Variants in KIRREL3 observed in about 807,000 individuals in gnomAD.
The protein encoded by KIRREL3 is kirre like nephrin family adhesion molecule 3.
Under a neutral mutation model 89.7 loss-of-function variants are expected in KIRREL3, and 36 were observed. The observed-to-expected ratio is 0.40, with a 90% CI of 0.31 to 0.53. KIRREL3 has a LOEUF of 0.53. Ranked by LOEUF, KIRREL3 falls within the 20% of genes least tolerant of loss-of-function variation. The pLI is 0.49. For missense variants in KIRREL3, 864 were observed against 1,056.6 expected (o/e 0.82, Z 2.53); for synonymous variants, 445 against 441.4 (o/e 1.01, Z -0.10).
Position 127,000,562 on chromosome 11 carries a change from C to T in KIRREL3, c.-53G>A. The T allele has an allele frequency of 6.4e-7, 1 of 1,563,806 alleles. No individual in the cohort carries two copies. The highest frequency in any genetic ancestry group is 8.7e-7 in the Non-Finnish European group (1 of 1,153,414). Reference sequence around the variant, plus strand: ...GGGGTAACTTGGCTGTGGTTAGTTTCTCTTCCTTGGCGGCTCTCGGTGCTC... The same window carrying T: ...GGGGTAACTTGGCTGTGGTTAGTTTTTCTTCCTTGGCGGCTCTCGGTGCTC... On this transcript the variant is annotated 5_prime_UTR_variant, in exon 1 of 17. Transcript: ENST00000525144. The surrounding 1 kb of genome is among the most constrained non-coding windows in gnomAD (Gnocchi z 7.1).
At position 126,871,512 on chromosome 11, in the gene KIRREL3, GA is replaced by G. The variant is rs540723451; in HGVS notation, c.55+128942del. On this transcript the variant is annotated intron_variant, in intron 1 of 16. Coordinates refer to ENST00000525144, the MANE Select transcript of KIRREL3 (RefSeq NM_032531.4). ...GAAAGGAAGAAAAACTTTTATCCAAGAGCAGGTATGAGGCTTCTGAATAAAG... is the reference window on the plus strand; with the variant it reads ...GAAAGGAAGAAAAACTTTTATCCAAGGCAGGTATGAGGCTTCTGAATAAAG... Among the ~76,000 whole-genome samples the G allele has an allele frequency of 8.5e-4, 129 of 152,326 alleles. 2 individuals carry two copies. Among genetic ancestry groups the G allele is most frequent in the African/African-American group, 2.8e-3 (117 of 41,568 alleles).
intron 1 of KIRREL3, among the ~76,000 whole-genome samples, chr11:126,590,114 T>G (rs1321555442): frequency 6.6e-6 from 1 of 152,234 alleles, no homozygotes; most frequent in African/African-American, 2.4e-5. Flanking sequence ...TTCTGAGGGC[T>G]GCATACCTAA....
At position 126,898,917 on chromosome 11, in the gene KIRREL3, C is replaced by T. The variant is rs1173936920; in HGVS notation, c.55+101538G>A. ...GATTTTGATGGCTACAATCCAGGCC[C>T]CCTTTCCCAACTGTCCTCCAAACCT... On this transcript the variant is annotated intron_variant, in intron 1 of 16. Coordinates refer to ENST00000525144, the MANE Select transcript of KIRREL3 (RefSeq NM_032531.4). The surrounding 1 kb of genome is among the most constrained non-coding windows in gnomAD (Gnocchi z 4.9). Among the ~76,000 whole-genome samples the T allele has an allele frequency of 6.6e-6, 1 of 151,966 alleles. No homozygotes were observed. The highest frequency in any genetic ancestry group is 2.4e-5 in the African/African-American group (1 of 41,342).
At chr11:126,469,624 G>A (rs1484128765) in intron 5 of KIRREL3, among the ~76,000 whole-genome samples, 11 of 152,232 alleles carry the variant, frequency 7.2e-5, no homozygotes, top group South Asian at 2.1e-4. Context: ...CTCCACTGAC[G>A]TGTGCGGGCT....
At chr11:126,839,703 C>T (rs2134517644) in intron 1 of KIRREL3, among the ~76,000 whole-genome samples, 1 of 152,322 alleles carries the variant, frequency 6.6e-6, no homozygotes, top group South Asian at 2.1e-4. Flanking sequence ...AGTGTGTTAT[C>T]TCCCTGAAAC....
intron 1 of KIRREL3, among the ~76,000 whole-genome samples, chr11:126,762,024 C>G (rs568840836): frequency 4.6e-5 from 7 of 151,986 alleles, no homozygotes; most frequent in Non-Finnish European, 1.0e-4. Context: ...ACTAAAAATA[C>G]AAAAGTTAGC....
chr11:126,939,460 G>T (rs1948344101), intron 1 of KIRREL3, among the ~76,000 whole-genome samples: 1 of 152,190 alleles, frequency 6.6e-6, no homozygotes, highest in South Asian at 2.1e-4. Flanking sequence ...ATTCTGTCAG[G>T]TAGGGTTCTA....
rs1366076592 is a variant in KIRREL3, at chr11:126,594,424, C to T, written c.56-31512G>A. On this transcript the variant is annotated intron_variant, in intron 1 of 16. Transcript: ENST00000525144. The surrounding 1 kb of genome is among the most constrained non-coding windows in gnomAD (Gnocchi z 5.0). ...GACTCCAATCTTCTTGGAGAAGCTACAGGGTGTAGGAGAAAGAACATGAGT... is the reference window on the plus strand; with the variant it reads ...GACTCCAATCTTCTTGGAGAAGCTATAGGGTGTAGGAGAAAGAACATGAGT... Among the ~76,000 whole-genome samples the T allele has an allele frequency of 1.3e-5, 2 of 152,196 alleles. No individual in the cohort carries two copies. Among genetic ancestry groups the T allele is most frequent in the Non-Finnish European group, 2.9e-5 (2 of 68,032 alleles).
In KIRREL3 at chr11:126,995,445, A is replaced by C. The variant is rs1950156851; in HGVS notation, c.55+5010T>G. Reference sequence around the variant, plus strand: ...TTTCTTGATGGACCCCAATAAAAAAACGCCTGCACTGTTTTTCACCTAAGG... The same window carrying C: ...TTTCTTGATGGACCCCAATAAAAAACCGCCTGCACTGTTTTTCACCTAAGG... On this transcript the variant is annotated intron_variant, in intron 1 of 16. Transcript: ENST00000525144. This position sits in a 1 kb window ranked among gnomAD's most constrained non-coding sequence, Gnocchi z 6.5. 2.5e-6 allele frequency: 1 copy of C among 401,134 alleles called. No individual in the cohort carries two copies. The highest frequency in any genetic ancestry group is 3.1e-5 in the Admixed American group (1 of 32,292). The allele number at this position is 401,134 out of a possible 1,614,324, so 24.8% of individuals were successfully genotyped here.
At chr11:126,874,418 C>T (rs1035808382) in intron 1 of KIRREL3, among the ~76,000 whole-genome samples, 18 of 152,208 alleles carry the variant, frequency 1.2e-4, no homozygotes, top group East Asian at 5.8e-4. Context: ...AAATTAGAAG[C>T]TTGAATCATG....
rs115744472 is a variant in KIRREL3, at chr11:126,968,706, G to T, written c.55+31749C>A. 6.5e-3 allele frequency among the ~76,000 whole-genome samples: 983 copies of T among 152,232 alleles called. 7 individuals carry two copies. Among genetic ancestry groups the T allele is most frequent in the African/African-American group, 0.022 (918 of 41,538 alleles). The stretch of plus-strand genomic sequence containing the variant: ...CTGGGTAAACTGCTATATTTATTTT[G>T]CCCATTTATAACACGGCAGCCCCTT... On this transcript the variant is annotated intron_variant, in intron 1 of 16. Coordinates refer to ENST00000525144, the MANE Select transcript of KIRREL3 (RefSeq NM_032531.4).
Position 126,976,337 on chromosome 11 carries a change from A to C in KIRREL3, c.55+24118T>G, listed in dbSNP as rs1429108326. Among the ~76,000 whole-genome samples the C allele has an allele frequency of 6.6e-6, 1 of 152,208 alleles. No individual in the cohort carries two copies. Among genetic ancestry groups the C allele is most frequent in the Non-Finnish European group, 1.5e-5 (1 of 68,026 alleles). Reference sequence around the variant, plus strand: ...TGAGATGTTAGCATCACTTGCTTTTAGCAAGCCAAAGGTTGCTTCCAGGGA... The same window carrying C: ...TGAGATGTTAGCATCACTTGCTTTTCGCAAGCCAAAGGTTGCTTCCAGGGA... On this transcript the variant is annotated intron_variant, in intron 1 of 16. Transcript: ENST00000525144. The surrounding 1 kb of genome is among the most constrained non-coding windows in gnomAD (Gnocchi z 4.2).
chr11:126,720,649 G>A (rs1049111916), intron 1 of KIRREL3, among the ~76,000 whole-genome samples: 1 of 152,236 alleles, frequency 6.6e-6, no homozygotes, highest in African/African-American at 2.4e-5. Flanking sequence ...AGACACTCTT[G>A]AGAGCGAATG....
At chr11:126,452,075 C>T (rs115547492) in intron 7 of KIRREL3, among the ~76,000 whole-genome samples, 1,710 of 152,242 alleles carry the variant, frequency 0.011, 32 homozygotes, top group African/African-American at 0.039. Context: ...CCCATCCAGC[C>T]CCGAGAGACG....
At chr11:126,952,632 A>C (rs1440499835) in intron 1 of KIRREL3, among the ~76,000 whole-genome samples, 1 of 152,196 alleles carries the variant, frequency 6.6e-6, no homozygotes, top group African/African-American at 2.4e-5. Flanking sequence ...TGTTTTAGTC[A>C]TGAAGTCTTT....
At chr11:126,453,260 G>T (rs1361423152) in intron 7 of KIRREL3, among the ~76,000 whole-genome samples, 2 of 152,134 alleles carry the variant, frequency 1.3e-5, no homozygotes, top group East Asian at 3.9e-4. Context: ...TCTCGTGTGG[G>T]GGGGCCACAT....
Position 126,877,959 on chromosome 11 carries a change from G to A in KIRREL3, c.55+122496C>T, listed in dbSNP as rs1945352302. 6.6e-6 allele frequency among the ~76,000 whole-genome samples: 1 copy of A among 152,182 alleles called. No homozygotes were observed. Among genetic ancestry groups the A allele is most frequent in the Non-Finnish European group, 1.5e-5 (1 of 68,046 alleles). ...AGTCCAAGCTTCTCACTTCACCAATGATGGGACCTAGAATCAAAGATATGG... is the reference window on the plus strand; with the variant it reads ...AGTCCAAGCTTCTCACTTCACCAATAATGGGACCTAGAATCAAAGATATGG... On this transcript the variant is annotated intron_variant, in intron 1 of 16. Coordinates refer to ENST00000525144, the MANE Select transcript of KIRREL3 (RefSeq NM_032531.4). The surrounding 1 kb of genome is among the most constrained non-coding windows in gnomAD (Gnocchi z 4.9).
intron 1 of KIRREL3, among the ~76,000 whole-genome samples, chr11:126,774,963 A>C (rs867918132): frequency 2.3e-4 from 35 of 152,282 alleles, no homozygotes; most frequent in African/African-American, 7.2e-4. Flanking sequence ...ACAGCACTCC[A>C]GGATGAACCC....
intron 1 of KIRREL3, among the ~76,000 whole-genome samples, chr11:126,779,814 G>C (rs990082009): frequency 2.0e-5 from 3 of 151,980 alleles, no homozygotes; most frequent in African/African-American, 4.8e-5. Context: ...TTTTCAAGTG[G>C]TGTTCCAGTT....
Sources: gnomAD v4.1 joint callset for allele counts (sites outside exome capture counted in the v4.1 genomes callset) on GRCh38, gnomAD v4.1.1 for gene constraint, Gnocchi (gnomAD v3.1) non-coding constraint, MANE v1.5 for transcripts, NCBI Gene and HGNC (gene_info 2026-07-23, HGNC 2026-07-21) for gene names.